Variants in DMD observed in about 807,000 individuals in gnomAD.
DMD encodes the protein mutant dystrophin.
In DMD, 63 loss-of-function variants were observed where a neutral mutation model predicts 330.1. That is an observed-to-expected ratio of 0.19 (90% CI 0.16 to 0.24). The LOEUF is 0.24. Among genes scored for constraint, DMD ranks in the 10% least tolerant of loss-of-function variants. The pLI, the probability that DMD is intolerant of heterozygous loss-of-function variation, is 1.00. For synonymous variants in DMD, 1,223 were observed against 959.8 expected, an observed-to-expected ratio of 1.27 and a Z score of -5.07; for missense variants, 3,344 against 2,684.1, an observed-to-expected ratio of 1.25 and a Z score of -5.43.
chrX:32,975,903 T>C (rs1232962854), intron 2 of DMD, among the ~76,000 whole-genome samples: 2 of 111,807 alleles, frequency 1.8e-5, no homozygotes, highest in Non-Finnish European at 3.8e-5. Context: ...CCTCTGGTTC[T>C]AGTTTCTGCT....
intron 53 of DMD, among the ~76,000 whole-genome samples, chrX:31,662,108 G>A (rs2081162260): frequency 9.0e-6 from 1 of 111,730 alleles, no homozygotes; most frequent in African/African-American, 3.2e-5. Context: ...TGGCGTGATC[G>A]CTTAGTGGCA....
intron 9 of DMD, among the ~76,000 whole-genome samples, chrX:32,673,038 T>C (rs2061728077): frequency 9.0e-6 from 1 of 111,518 alleles, no homozygotes; most frequent in African/African-American, 3.3e-5. Flanking sequence ...TGTATGTGTG[T>C]GTATGTGTAT....
At position 32,735,019 on chromosome X, in the gene DMD, C is replaced by T. The variant is rs553073722; in HGVS notation, c.650-35726G>A. ...ATGATTGTATATCTAGAAAACCCCA[C>T]TGTCTCAGCCTAAAATCTCCTTAAG... On this transcript the variant is annotated intron_variant, in intron 7 of 78. Transcript: ENST00000357033. 9.7e-3 allele frequency among the ~76,000 whole-genome samples: 1,075 copies of T among 110,988 alleles called. 5 individuals carry two copies. The highest frequency in any genetic ancestry group is 0.025 in the South Asian group (66 of 2,605).
intron 55 of DMD, among the ~76,000 whole-genome samples, chrX:31,535,527 T>C (rs1441773537): frequency 1.0e-5 from 1 of 96,199 alleles, no homozygotes; most frequent in African/African-American, 3.8e-5. Flanking sequence ...CCTAAAACCA[T>C]AAAAACCCTA....
intron 9 of DMD, among the ~76,000 whole-genome samples, chrX:32,696,003 G>T (rs1017478199): frequency 8.9e-6 from 1 of 112,144 alleles, no homozygotes; most frequent in African/African-American, 3.2e-5. Context: ...ATACTTATTT[G>T]TTGAATAAAT....
chrX:32,658,878 T>C (rs2060765623), intron 9 of DMD, among the ~76,000 whole-genome samples: 1 of 112,179 alleles, frequency 8.9e-6, no homozygotes, highest in South Asian at 3.7e-4. Flanking sequence ...CTGGAATTTA[T>C]AGGTAGTGTG....
chrX:32,343,609 C>T (rs1367218028), intron 39 of DMD, among the ~76,000 whole-genome samples: 2 of 111,009 alleles, frequency 1.8e-5, no homozygotes, highest in East Asian at 2.9e-4. Context: ...GTTTAATATA[C>T]GAATACAATT....
chrX:32,369,256 G>C (rs766496826), intron 34 of DMD, among the ~76,000 whole-genome samples: 1 of 111,603 alleles, frequency 9.0e-6, no homozygotes, highest in African/African-American at 3.2e-5. Flanking sequence ...ATTTGTAAAT[G>C]CTACTCTAAT....
At chrX:31,378,469 C>T (rs1164717140) in intron 60 of DMD, among the ~76,000 whole-genome samples, 1 of 111,371 alleles carries the variant, frequency 9.0e-6, no homozygotes, top group Non-Finnish European at 1.9e-5. Context: ...GCGTTTTATC[C>T]GTGGACCCAA....
At chrX:31,535,741 G>A (rs780655855) in intron 55 of DMD, among the ~76,000 whole-genome samples, 1 of 112,052 alleles carries the variant, frequency 8.9e-6, no homozygotes, top group African/African-American at 3.2e-5. Context: ...CCAAAAGTGT[G>A]ATGGTAGGAC....
In DMD at chrX:31,251,261, G is replaced by A. The variant is rs564870063; in HGVS notation, c.9286+9694C>T. Among the ~76,000 whole-genome samples, 34 of 109,600 alleles carry A rather than the reference G, an allele frequency of 3.1e-4. 2 individuals are homozygous for A. The East Asian group carries it at 7.4e-3, about 24-fold the overall frequency. On this transcript the variant is annotated intron_variant, in intron 63 of 78. Transcript: ENST00000357033. ...TCCTTCTGCCTCAGCCTCTGGAAGC[G>A]CTGGGACTACAGGTGCGTGCCACCA... is the stretch of plus-strand genomic sequence containing the variant.
At chrX:32,930,385 GTAT>G (rs1003404150) in intron 2 of DMD, among the ~76,000 whole-genome samples, 3 of 109,344 alleles carry the variant, frequency 2.7e-5, no homozygotes, top group African/African-American at 6.6e-5. Context: ...ATATGATACG[GTAT>G]TATTATTATT....
intron 1 of DMD, among the ~76,000 whole-genome samples, chrX:33,031,151 A>G (rs1407107705): frequency 2.7e-5 from 3 of 111,342 alleles, no homozygotes; most frequent in African/African-American, 6.5e-5. Flanking sequence ...ACAAGCATCC[A>G]CATCTCTCTG....
At chrX:31,530,323 G>C (rs976495886) in intron 55 of DMD, among the ~76,000 whole-genome samples, 1 of 111,779 alleles carries the variant, frequency 8.9e-6, no homozygotes, top group African/African-American at 3.2e-5. Context: ...AAGAGATATG[G>C]TATATTATAC....
intron 1 of DMD, among the ~76,000 whole-genome samples, chrX:33,320,114 C>G (rs878965525): frequency 9.9e-5 from 11 of 111,219 alleles, no homozygotes; most frequent in Non-Finnish European, 1.5e-4. Flanking sequence ...TAATCAGAGC[C>G]ATATTACTCA....
intron 44 of DMD, among the ~76,000 whole-genome samples, chrX:32,041,666 GA>G (rs1171086814): frequency 9.0e-6 from 1 of 110,610 alleles, no homozygotes; most frequent in Non-Finnish European, 1.9e-5. Flanking sequence ...GTCTGTCCTT[GA>G]GCATCATCTC....
intron 34 of DMD, among the ~76,000 whole-genome samples, chrX:32,376,945 GATTAT>G (rs1390097129): frequency 9.0e-6 from 1 of 111,129 alleles, no homozygotes; most frequent in African/African-American, 3.3e-5. Flanking sequence ...AAATTTCCTC[GATTAT>G]ATAACACGGC....
chrX:31,184,200 C>T (rs142034938), intron 67 of DMD, among the ~76,000 whole-genome samples: 2,470 of 112,274 alleles, frequency 0.022, 75 homozygotes, highest in South Asian at 0.14. Flanking sequence ...TGAGCCACTG[C>T]GCCTGGCCCA....
intron 1 of DMD, among the ~76,000 whole-genome samples, chrX:33,202,369 C>T (rs1253257396): frequency 5.4e-5 from 6 of 111,618 alleles, no homozygotes; most frequent in Non-Finnish European, 7.5e-5. Context: ...TACTTAATCT[C>T]CCTGTACCTC....
Sources: gnomAD v4.1 joint callset for allele counts (sites outside exome capture counted in the v4.1 genomes callset) on GRCh38, gnomAD v4.1.1 for gene constraint, MANE v1.5 for transcripts, NCBI Gene and HGNC (gene_info 2026-07-23, HGNC 2026-07-21) for gene names.